Variants in ZNF107 observed in about 807,000 individuals in gnomAD.
ZNF107 encodes the protein zinc finger protein 107.
A neutral mutation model predicts 12.3 loss-of-function variants in ZNF107; 19 were observed. That is an observed-to-expected ratio of 1.55 (90% confidence interval 1.08 to 2.27). The LOEUF is 2.27. ZNF107 is among the 30% of genes most tolerant of loss of function. ZNF107 has a pLI of 0.00. For synonymous variants in ZNF107, 317 were observed against 330.5 expected (o/e 0.96, Z 0.44); for missense variants, 958 against 979.9 (o/e 0.98, Z 0.30).
At chr7:64,679,541 G>A (rs1018626653) in intron 1 of ZNF107, among the ~76,000 whole-genome samples, 4 of 152,070 alleles carry the variant, frequency 2.6e-5, no homozygotes, top group African/African-American at 9.7e-5. Flanking sequence ...GAAGGTCCTT[G>A]TGGTTGCTCT....
At chr7:64,685,734 C>A (rs1789881523) in intron 1 of ZNF107, among the ~76,000 whole-genome samples, 1 of 152,156 alleles carries the variant, frequency 6.6e-6, no homozygotes, top group Non-Finnish European at 1.5e-5. Context: ...TCTGCCTACC[C>A]AGCCAAGGCA....
chr7:64,700,265 G>C (rs1486675154), intron 3 of ZNF107, among the ~76,000 whole-genome samples: 1 of 151,940 alleles, frequency 6.6e-6, no homozygotes. Flanking sequence ...TGAATAGCTT[G>C]GCGTCATCCT....
intron 1 of ZNF107, chr7:64,687,227 A>G: frequency 3.0e-6 from 3 of 986,516 alleles, no homozygotes; most frequent in Middle Eastern, 3.6e-4. Flanking sequence ...GTGGGCTGTC[A>G]TAGTGAGAAC....
chr7:64,696,337 C>T (rs184990128), intron 3 of ZNF107, among the ~76,000 whole-genome samples: 6 of 151,544 alleles, frequency 4.0e-5, no homozygotes, highest in Admixed American at 1.3e-4. Context: ...CATGAGCCAC[C>T]GCATCCAGCC....
chr7:64,673,524 T>A (rs537480036), intron 1 of ZNF107, among the ~76,000 whole-genome samples: 2 of 152,340 alleles, frequency 1.3e-5, no homozygotes, highest in South Asian at 4.1e-4. Flanking sequence ...TTTATTTTAT[T>A]CTGTAGTTTG....
chr7:64,700,246 A>G (rs1161138053), intron 3 of ZNF107, among the ~76,000 whole-genome samples: 1 of 152,054 alleles, frequency 6.6e-6, no homozygotes, highest in African/African-American at 2.4e-5. Flanking sequence ...CATGGGGCCA[A>G]CTTCCTCGTG....
At chr7:64,668,153 CT>C (rs796576023) in intron 1 of ZNF107, among the ~76,000 whole-genome samples, 1 of 150,738 alleles carries the variant, frequency 6.6e-6, no homozygotes, top group East Asian at 1.9e-4. Flanking sequence ...CATCTGTTTT[CT>C]TTTTTTTTAT....
At position 64,709,106 on chromosome 7, in the gene ZNF107, C is replaced by T; in HGVS notation, c.*450C>T. The T allele has an allele frequency of 2.1e-6, 1 of 468,160 alleles. No homozygotes were observed. The allele number at this position is 468,160 out of a possible 1,614,324, so 29.0% of individuals were successfully genotyped here. ...CCTCATACCTTACTATACAGAAATT[C>T]ATACTGGAGAGAAAGCCTACAATTG... On this transcript the variant is annotated 3_prime_UTR_variant, in exon 4 of 4. Coordinates refer to ENST00000620827, the MANE Select transcript of ZNF107 (RefSeq NM_001282359.2).
chr7:64,670,243 G>C (rs1328354118), intron 1 of ZNF107, among the ~76,000 whole-genome samples: 1 of 152,066 alleles, frequency 6.6e-6, no homozygotes, highest in East Asian at 1.9e-4. Context: ...CCAACTAAAA[G>C]ATCTTTAAGA....
rs1348045446 is a variant in ZNF107, at chr7:64,708,493, A to G, written c.2396A>G (p.Asn799Ser). Residue 799 changes from asparagine to serine, a missense_variant, in exon 4 of 4, where the codon AAC becomes AGC. Physicochemically the swap from Asn to Ser is conservative, Grantham distance 46. Coordinates refer to ENST00000620827, the MANE Select transcript of ZNF107 (RefSeq NM_001282359.2). Reference protein sequence around the residue: ...YKCEECGKSFNQFSSLNIHKI... With the variant: ...YKCEECGKSFSQFSSLNIHKI... ...TGTGAAGAATGTGGCAAATCCTTTAACCAGTTCTCATCTCTTAATATACAT... is the reference window on the plus strand; with the variant it reads ...TGTGAAGAATGTGGCAAATCCTTTAGCCAGTTCTCATCTCTTAATATACAT... 1 of 1,613,056 alleles carries G rather than the reference A, an allele frequency of 6.2e-7. No individual in the cohort carries two copies. Among genetic ancestry groups the G allele is most frequent in the Non-Finnish European group, 8.5e-7 (1 of 1,179,602 alleles).
chr7:64,686,025 A>G (rs547602727), intron 1 of ZNF107, among the ~76,000 whole-genome samples: 1 of 152,232 alleles, frequency 6.6e-6, no homozygotes, highest in Admixed American at 6.5e-5. Context: ...ACAGCCTACA[A>G]GACATAGCAA....
At chr7:64,690,985 G>A (rs1203709738) in intron 1 of ZNF107, among the ~76,000 whole-genome samples, 1 of 151,788 alleles carries the variant, frequency 6.6e-6, no homozygotes, top group Non-Finnish European at 1.5e-5. Flanking sequence ...CAGGTGATCC[G>A]CCTCTGCCTC....
At chr7:64,681,243 A>G (rs1789659789) in intron 1 of ZNF107, among the ~76,000 whole-genome samples, 2 of 151,558 alleles carry the variant, frequency 1.3e-5, no homozygotes, top group Non-Finnish European at 2.9e-5. Context: ...CCCCTTTTTG[A>G]TCGATATGGG....
intron 1 of ZNF107, among the ~76,000 whole-genome samples, chr7:64,680,020 C>T (rs1303479364): frequency 6.6e-6 from 1 of 152,050 alleles, no homozygotes; most frequent in Non-Finnish European, 1.5e-5. Context: ...CCTGCCCGTC[C>T]GACTCCGGTC....
intron 1 of ZNF107, among the ~76,000 whole-genome samples, chr7:64,672,659 T>C (rs1029325992): frequency 7.9e-5 from 12 of 151,996 alleles, no homozygotes; most frequent in Non-Finnish European, 1.8e-4. Context: ...CACCGTGCCC[T>C]ACCATACCAT....
chr7:64,672,715 G>A (rs537512793), intron 1 of ZNF107, among the ~76,000 whole-genome samples: 9 of 152,200 alleles, frequency 5.9e-5, no homozygotes, highest in Admixed American at 2.0e-4. Flanking sequence ...GGTTGATTCC[G>A]TATCTTTGCT....
At position 64,710,257 on chromosome 7, in the gene ZNF107, C is replaced by G. The variant is rs1168573762; in HGVS notation, c.*1601C>G. The G allele has an allele frequency of 6.6e-6, 1 of 152,220 alleles. No individual in the cohort carries two copies. Among genetic ancestry groups the G allele is most frequent in the East Asian group, 1.9e-4 (1 of 5,198 alleles). 9.4% of individuals were successfully genotyped at this position (152,220 alleles called of 1,614,324 possible). ...TTTGCACTAGAGGAAAACCATGAAG[C>G]AGTTGCTCAAATGTTGTTCAACACC... On this transcript the variant is annotated 3_prime_UTR_variant, in exon 4 of 4. Transcript: ENST00000620827.
chr7:64,705,893 C>T (rs563195384), intron 3 of ZNF107, among the ~76,000 whole-genome samples: 16 of 150,980 alleles, frequency 1.1e-4, no homozygotes, highest in South Asian at 6.3e-4. Context: ...CATGGGAGAC[C>T]GAAACCAATA....
chr7:64,682,570 C>G (rs778859173), intron 1 of ZNF107, among the ~76,000 whole-genome samples: 5 of 152,178 alleles, frequency 3.3e-5, no homozygotes, highest in Non-Finnish European at 7.3e-5. Context: ...AAGGGATGTG[C>G]AGTTGGGGTC....
Sources: allele counts gnomAD v4.1 joint callset (sites outside exome capture counted in the v4.1 genomes callset), GRCh38; gene constraint gnomAD v4.1.1; transcripts MANE v1.5; gene names NCBI Gene and HGNC (gene_info 2026-07-23, HGNC 2026-07-21).